KANK1: variants seen among roughly 807,000 people sequenced by gnomAD.
The protein encoded by KANK1 is KN motif and ankyrin repeat domains 1, also known as KN motif and ankyrin repeat domain-containing protein 1.
In KANK1, 109 loss-of-function variants were observed where a neutral mutation model predicts 106.2. The ratio of observed to expected loss-of-function variants is 1.03; its 90% CI spans 0.88 to 1.20. The LOEUF (loss-of-function observed/expected upper bound fraction) is 1.20, where lower values mean the gene tolerates loss of function less well. Among genes scored for constraint, KANK1 ranks in the 50% most tolerant of loss-of-function variants. The probability of loss-of-function intolerance (pLI) is 0.00; values close to 1 mark genes in which losing one functional copy is unlikely to be tolerated. For synonymous variants in KANK1, 873 were observed against 652.2 expected (o/e 1.34, Z -5.16); for missense variants, 2,399 against 1,710.7 (o/e 1.40, Z -7.10).
intron 3 of KANK1, among the ~76,000 whole-genome samples, chr9:498,711 T>G (rs1374977290): frequency 3.3e-5 from 5 of 152,224 alleles, no homozygotes; most frequent in Non-Finnish European, 5.9e-5. Flanking sequence ...AAAAGCAAAT[T>G]AAAGCCACAG....
At chr9:554,170 T>G (rs956844406) in intron 1 of KANK1, among the ~76,000 whole-genome samples, 1 of 152,218 alleles carries the variant, frequency 6.6e-6, no homozygotes, top group African/African-American at 2.4e-5. Flanking sequence ...TCTCAAGATC[T>G]GCCATCTGCA....
chr9:614,446 T>C (rs1831317037), intron 1 of KANK1, among the ~76,000 whole-genome samples: 1 of 152,212 alleles, frequency 6.6e-6, no homozygotes, highest in Admixed American at 6.5e-5. Flanking sequence ...AAGTTAATGG[T>C]ATTTTGTTAA....
At position 740,805 on chromosome 9, in the gene KANK1, G is replaced by C. The variant is rs1185323407; in HGVS notation, c.3567G>C (p.Val1189=). The change falls in exon 9 of 12, where the codon GTG becomes GTC. Residue 1189 remains valine, a synonymous_variant. Transcript: ENST00000382297. ...KLLLDADVCN[V]DHQNKAGYTP... ...TTTTTTTTACAGATGTGTGTAATGT[G>C]GATCACCAGAACAAGGCAGGCTACA... The C allele has an allele frequency of 1.9e-6, 3 of 1,610,684 alleles. No homozygotes were observed. Among genetic ancestry groups the C allele is most frequent in the Non-Finnish European group, 2.5e-6 (3 of 1,179,064 alleles).
In KANK1 at chr9:711,808, G is replaced by C; in HGVS notation, c.1042G>C (p.Asp348His). 1 of 1,614,112 alleles carries C rather than the reference G, an allele frequency of 6.2e-7. No homozygotes were observed. Residue 348 changes from aspartate to histidine, a missense_variant, in exon 3 of 12, where the codon GAC (aspartate) becomes CAC (histidine). By Grantham distance (81) the Asp-to-His change is moderately conservative. Coordinates refer to ENST00000382297, the MANE Select transcript of KANK1 (RefSeq NM_015158.5). The stretch of plus-strand genomic sequence containing the variant: ...AAGAAGTGGCGGGGAATTATACATT[G>C]ACTATGAGGAGGAAGAAATGGAGAC... Reference protein sequence around the residue: ...ARRSGGELYIDYEEEEMETVE... With the variant: ...ARRSGGELYIHYEEEEMETVE...
chr9:579,840 C>G (rs1821561846), intron 1 of KANK1, among the ~76,000 whole-genome samples: 1 of 152,168 alleles, frequency 6.6e-6, no homozygotes, highest in Non-Finnish European at 1.5e-5. Context: ...CTAAGAAAAT[C>G]TGGAGGTTGG....
At chr9:735,923 A>C (rs974549109) in intron 7 of KANK1, 3 of 240,086 alleles carry the variant, frequency 1.2e-5, no homozygotes, top group African/African-American at 6.6e-5. Flanking sequence ...TGCACCCGGG[A>C]GGTGGTGGTT....
At chr9:698,552 C>G (rs1821872539) in intron 2 of KANK1, among the ~76,000 whole-genome samples, 1 of 152,274 alleles carries the variant, frequency 6.6e-6, no homozygotes, top group Non-Finnish European at 1.5e-5. Flanking sequence ...ATCCTGGTCT[C>G]CAGCTCAGCC....
intron 1 of KANK1, among the ~76,000 whole-genome samples, chr9:563,415 C>T (rs1007590311): frequency 6.6e-6 from 1 of 152,164 alleles, no homozygotes; most frequent in Non-Finnish European, 1.5e-5. Flanking sequence ...TGTGTCAGTT[C>T]AATGCATTGT....
rs1465840578 is a variant in KANK1, at chr9:512,221, A to T, written c.-84+7467A>T. ...GTTACTAAGGGCTCTCCAGAGAAAC[A>T]TAACCAATAGTGTGTGTGTGTGTGT... On this transcript the variant is annotated intron_variant, in intron 1 of 11. Coordinates refer to ENST00000382297, the MANE Select transcript of KANK1 (RefSeq NM_015158.5). Among the ~76,000 whole-genome samples the T allele has an allele frequency of 2.1e-5, 3 of 141,814 alleles. No individual in the cohort carries two copies. In the East Asian group the frequency reaches 5.8e-4, roughly 27 times the overall value. The allele number at this position is 141,814 out of a possible 152,430, so 93.0% of individuals were successfully genotyped here.
At chr9:718,873 G>GACT (rs1564071141) in intron 3 of KANK1, among the ~76,000 whole-genome samples, 2 of 151,200 alleles carry the variant, frequency 1.3e-5, no homozygotes, top group Admixed American at 6.6e-5. Flanking sequence ...CAAAAAAGAA[G>GACT]ATGGTCCTTC....
At chr9:699,417 G>A (rs1822109204) in intron 2 of KANK1, among the ~76,000 whole-genome samples, 1 of 152,176 alleles carries the variant, frequency 6.6e-6, no homozygotes, top group African/African-American at 2.4e-5. Context: ...ACATCAGCAG[G>A]AACAGGTAGA....
intron 1 of KANK1, among the ~76,000 whole-genome samples, chr9:613,252 C>T (rs974926476): frequency 6.6e-6 from 1 of 151,058 alleles, no homozygotes; most frequent in African/African-American, 2.4e-5. Flanking sequence ...TCAAGAAAAG[C>T]ACAAGTAGTC....
At chr9:616,563 T>A (rs909928655) in intron 1 of KANK1, among the ~76,000 whole-genome samples, 1 of 152,230 alleles carries the variant, frequency 6.6e-6, no homozygotes, top group African/African-American at 2.4e-5. Flanking sequence ...AATTTCTGAA[T>A]ACTTTATATC....
intron 1 of KANK1, among the ~76,000 whole-genome samples, chr9:635,715 T>TTTTG (rs1488932154): frequency 1.4e-5 from 2 of 146,084 alleles, no homozygotes; most frequent in African/African-American, 2.5e-5. Flanking sequence ...TTTTTTTTTT[T>TTTTG]TGAGACGGAG....
intron 2 of KANK1, among the ~76,000 whole-genome samples, chr9:695,338 A>ATGAGATGGAGATATGAG (rs1287763836): frequency 6.6e-6 from 1 of 152,146 alleles, no homozygotes; most frequent in Admixed American, 6.5e-5. Flanking sequence ...GAGATATTTT[A>ATGAGATGGAGATATGAG]ACCTGGCCAT....
chr9:737,083 C>T (rs776326434), intron 7 of KANK1, among the ~76,000 whole-genome samples: 4 of 152,046 alleles, frequency 2.6e-5, no homozygotes, highest in South Asian at 2.1e-4. Context: ...AAGTAGTGGA[C>T]GAGTAAACAC....
chr9:690,429 A>G (rs774269356), intron 2 of KANK1, among the ~76,000 whole-genome samples: 13 of 152,190 alleles, frequency 8.5e-5, no homozygotes, highest in Non-Finnish European at 1.5e-4. Context: ...CACCATGCTT[A>G]TGCATGACAT....
chr9:670,652 G>C (rs1845664321), intron 1 of KANK1, among the ~76,000 whole-genome samples: 1 of 152,144 alleles, frequency 6.6e-6, no homozygotes, highest in Non-Finnish European at 1.5e-5. Flanking sequence ...CTTTGGTTGA[G>C]TTACAGAGCG....
At chr9:727,712 GTGTGTA>G (rs1179694800) in intron 3 of KANK1, among the ~76,000 whole-genome samples, 371 of 150,946 alleles carry the variant, frequency 2.5e-3, no homozygotes, top group African/African-American at 6.5e-3. Context: ...GTGTGTGTGT[GTGTGTA>G]TGTGTGTGTG....
Sources: gnomAD v4.1 joint callset for allele counts (sites outside exome capture counted in the v4.1 genomes callset) on GRCh38, gnomAD v4.1.1 for gene constraint, MANE v1.5 for transcripts, NCBI Gene and HGNC (gene_info 2026-07-23, HGNC 2026-07-21) for gene names.